Variants in SNX29 observed in about 807,000 individuals in gnomAD.
SNX29 encodes the protein sorting nexin-29.
SNX29 carries 78 observed loss-of-function variants against 102.1 expected under a neutral mutation model. The observed-to-expected ratio is 0.76, with a 90% CI of 0.64 to 0.92. The LOEUF is 0.92. Ranked by LOEUF, SNX29 falls within the 40% of genes least tolerant of loss-of-function variation. The pLI is 0.00. For missense variants in SNX29, 1,280 were observed against 1,061.7 expected, an observed-to-expected ratio of 1.21 and a Z score of -2.86; for synonymous variants, 580 against 414.5, an observed-to-expected ratio of 1.40 and a Z score of -4.85.
chr16:12,085,359 C>T (rs1455690405), intron 11 of SNX29, among the ~76,000 whole-genome samples: 1 of 152,200 alleles, frequency 6.6e-6, no homozygotes, highest in Non-Finnish European at 1.5e-5. Flanking sequence ...CGGCGTCTCG[C>T]TCTGTTGGCC....
chr16:12,049,486 A>G (rs2050219445), intron 7 of SNX29, among the ~76,000 whole-genome samples: 1 of 152,026 alleles, frequency 6.6e-6, no homozygotes, highest in Non-Finnish European at 1.5e-5. Context: ...GCATGTGCCA[A>G]CATGCGTGGT....
chr16:12,417,477 G>A (rs1006815093), intron 18 of SNX29, among the ~76,000 whole-genome samples: 15 of 152,106 alleles, frequency 9.9e-5, no homozygotes, highest in Admixed American at 9.8e-4. Context: ...AGAGGGGGTG[G>A]GTGGTTCTCC....
intron 10 of SNX29, among the ~76,000 whole-genome samples, chr16:12,077,082 G>A (rs1490518487): frequency 2.0e-5 from 3 of 152,138 alleles, no homozygotes; most frequent in African/African-American, 7.2e-5. Flanking sequence ...AACACCACCA[G>A]TCTGGGCAAG....
intron 20 of SNX29, among the ~76,000 whole-genome samples, chr16:12,525,751 A>G (rs1361261552): frequency 1.4e-5 from 2 of 144,106 alleles, no homozygotes; most frequent in African/African-American, 5.2e-5. Context: ...TTGTCAATTA[A>G]CCCAACGGAT....
In SNX29 at chr16:12,572,675, C is replaced by G. The variant is rs562385397; in HGVS notation, c.*4046C>G. 3 of 1,063,352 alleles carry G rather than the reference C, an allele frequency of 2.8e-6. No homozygotes were observed. The highest frequency in any genetic ancestry group is 3.4e-6 in the Non-Finnish European group (3 of 878,158). 65.9% of individuals were successfully genotyped at this position (1,063,352 alleles called of 1,614,324 possible). On this transcript the variant is annotated 3_prime_UTR_variant, in exon 21 of 21. Coordinates refer to ENST00000566228, the MANE Select transcript of SNX29 (RefSeq NM_032167.5). ...TCCTGTGTGAGCTGCAGCACCCACA[C>G]GGGGGAAGCCCTGCACTCCAGCAGC...
At chr16:12,540,389 GCA>G (rs1384298484) in intron 20 of SNX29, among the ~76,000 whole-genome samples, 6 of 152,174 alleles carry the variant, frequency 3.9e-5, no homozygotes, top group African/African-American at 1.4e-4. Flanking sequence ...TACCAAATTG[GCA>G]CAAAGTTAGT....
intron 13 of SNX29, among the ~76,000 whole-genome samples, chr16:12,133,328 T>G (rs2054543288): frequency 7.6e-6 from 1 of 131,408 alleles, no homozygotes; most frequent in African/African-American, 2.8e-5. Flanking sequence ...TCTCACTCTG[T>G]CACCCAGGCT....
intron 19 of SNX29, 134 bp from the exon 20 acceptor site, chr16:12,524,568 C>G (rs1567653134): frequency 1.2e-5 from 11 of 924,984 alleles, no homozygotes; most frequent in Admixed American, 3.2e-5. Context: ...GCTTAGGGAC[C>G]ATTCATACGA....
At chr16:11,995,077 T>C in intron 1 of SNX29, among the ~76,000 whole-genome samples, 1 of 152,176 alleles carries the variant, frequency 6.6e-6, no homozygotes, top group Non-Finnish European at 1.5e-5. Flanking sequence ...CTCTTATTTA[T>C]TTATTTTTGA....
intron 10 of SNX29, among the ~76,000 whole-genome samples, chr16:12,072,379 CGTT>C (rs1444273877): frequency 6.6e-6 from 1 of 151,968 alleles, no homozygotes; most frequent in African/African-American, 2.4e-5. Context: ...TAGCATGAAG[CGTT>C]GTTGAATTTT....
intron 12 of SNX29, among the ~76,000 whole-genome samples, chr16:12,129,042 T>C (rs1285373753): frequency 2.0e-5 from 3 of 152,242 alleles, no homozygotes; most frequent in Admixed American, 2.0e-4. Context: ...ATGCTATCTC[T>C]GCTATCTCAG....
chr16:12,265,602 T>C (rs76343016), intron 14 of SNX29, among the ~76,000 whole-genome samples: 4,509 of 145,570 alleles, frequency 0.031, 101 homozygotes, highest in Admixed American at 0.069. Flanking sequence ...GGCTCATGCC[T>C]ATAATCCTAG....
At chr16:12,562,158 G>C (rs376568777) in intron 20 of SNX29, among the ~76,000 whole-genome samples, 1 of 152,108 alleles carries the variant, frequency 6.6e-6, no homozygotes, top group Non-Finnish European at 1.5e-5. Context: ...CAGGTCTGTG[G>C]AGTAAGATTG....
intron 10 of SNX29, among the ~76,000 whole-genome samples, chr16:12,071,525 C>T (rs925388201): frequency 1.3e-5 from 2 of 152,130 alleles, no homozygotes; most frequent in Non-Finnish European, 2.9e-5. Flanking sequence ...TTCCATTGAT[C>T]TATATTTCTG....
chr16:12,347,706 C>T (rs1021555886), intron 15 of SNX29, among the ~76,000 whole-genome samples: 29 of 152,124 alleles, frequency 1.9e-4, no homozygotes, highest in African/African-American at 4.6e-4. Context: ...GGTGACTGCC[C>T]GAGAACTCTT....
chr16:12,125,995 G>A (rs1467192164), intron 11 of SNX29, among the ~76,000 whole-genome samples: 2 of 152,116 alleles, frequency 1.3e-5, no homozygotes, highest in African/African-American at 2.4e-5. Flanking sequence ...CATATTGCCG[G>A]TGGTGATCTT....
chr16:12,216,763 C>G (rs929271692), intron 14 of SNX29, among the ~76,000 whole-genome samples: 1 of 121,048 alleles, frequency 8.3e-6, no homozygotes, highest in South Asian at 2.8e-4. Flanking sequence ...GTTGCTGAGT[C>G]TTCAAATTCA....
At position 12,144,661 on chromosome 16, in the gene SNX29, A is replaced by T. The variant is rs1046363269; in HGVS notation, c.1595+14903A>T. ...AGAAAAGAAATTTCTGTTCATTATA[A>T]ATTACCCAGCCTCAGGTATTCGGTT... On this transcript the variant is annotated intron_variant, in intron 13 of 20. Coordinates refer to ENST00000566228, the MANE Select transcript of SNX29 (RefSeq NM_032167.5). 3.9e-5 allele frequency among the ~76,000 whole-genome samples: 6 copies of T among 152,236 alleles called. No individual in the cohort carries two copies. In the South Asian group the frequency reaches 1.2e-3, roughly 32 times the overall value.
At chr16:12,556,159 T>C (rs1169204100) in intron 20 of SNX29, among the ~76,000 whole-genome samples, 1 of 152,158 alleles carries the variant, frequency 6.6e-6, no homozygotes. Context: ...TTAAATCGCT[T>C]TGTCGCCATG....
Sources: allele counts gnomAD v4.1 joint callset (sites outside exome capture counted in the v4.1 genomes callset), GRCh38; gene constraint gnomAD v4.1.1; transcripts MANE v1.5; gene names NCBI Gene and HGNC (gene_info 2026-07-23, HGNC 2026-07-21).